Variants in CACNA2D1 observed in about 807,000 individuals in gnomAD.
CACNA2D1 encodes voltage-dependent calcium channel subunit alpha-2/delta-1.
A neutral mutation model predicts 171.5 loss-of-function variants in CACNA2D1; 53 were observed. The observed-to-expected ratio is 0.31, with a 90% CI of 0.25 to 0.39. The LOEUF (loss-of-function observed/expected upper bound fraction) is 0.39, where lower values mean the gene tolerates loss of function less well. CACNA2D1 is among the 10% of genes least tolerant of loss of function. The pLI, the probability that CACNA2D1 is intolerant of heterozygous loss-of-function variation, is 1.00. For synonymous variants in CACNA2D1, 442 were observed against 443.1 expected, an observed-to-expected ratio of 1.00 and a Z score of 0.03; for missense variants, 903 against 1,299.8, an observed-to-expected ratio of 0.69 and a Z score of 4.69.
chr7:82,308,895 G>C (rs916413782), intron 3 of CACNA2D1, among the ~76,000 whole-genome samples: 8 of 152,164 alleles, frequency 5.3e-5, no homozygotes, highest in African/African-American at 1.4e-4. Flanking sequence ...AGGTTGCCTA[G>C]CTAACAGTTG....
intron 4 of CACNA2D1, among the ~76,000 whole-genome samples, chr7:82,138,847 A>G (rs1167092127): frequency 2.0e-5 from 3 of 152,170 alleles, no homozygotes; most frequent in Non-Finnish European, 2.9e-5. Context: ...TAGTTTATTG[A>G]TCCTGCTTGT....
chr7:82,163,929 G>A (rs1300420475), intron 4 of CACNA2D1, among the ~76,000 whole-genome samples: 1 of 151,946 alleles, frequency 6.6e-6, no homozygotes, highest in Admixed American at 6.6e-5. Context: ...GCATCTTGCA[G>A]TAATAATTAT....
At chr7:82,342,878 G>A (rs1818835297) in intron 2 of CACNA2D1, among the ~76,000 whole-genome samples, 1 of 152,022 alleles carries the variant, frequency 6.6e-6, no homozygotes, top group African/African-American at 2.4e-5. Context: ...TAAAAGGATG[G>A]TTTATATCTT....
intron 3 of CACNA2D1, among the ~76,000 whole-genome samples, chr7:82,194,432 T>G (rs537814002): frequency 1.3e-5 from 2 of 152,146 alleles, no homozygotes; most frequent in African/African-American, 4.8e-5. Flanking sequence ...CTTAATGATT[T>G]GTGTGTATGC....
chr7:82,191,432 C>A (rs1364905281), intron 3 of CACNA2D1, among the ~76,000 whole-genome samples: 2 of 151,758 alleles, frequency 1.3e-5, no homozygotes, highest in East Asian at 3.9e-4. Context: ...ATTTATCGAG[C>A]TGCTTTTCAG....
intron 4 of CACNA2D1, among the ~76,000 whole-genome samples, chr7:82,145,289 A>G (rs996424653): frequency 2.1e-5 from 3 of 145,020 alleles, no homozygotes; most frequent in Non-Finnish European, 4.6e-5. Context: ...AATAAAAAAT[A>G]AAAATATATA....
chr7:82,084,451 C>A (rs1303557803), intron 7 of CACNA2D1, among the ~76,000 whole-genome samples: 1 of 152,134 alleles, frequency 6.6e-6, no homozygotes. Context: ...GCATGCTGAG[C>A]AGTTGGGCCT....
chr7:82,012,114 T>C (rs1371264891), intron 15 of CACNA2D1, 40 bp downstream of exon 15: 3 of 1,147,986 alleles, frequency 2.6e-6, no homozygotes, highest in East Asian at 2.3e-5. Flanking sequence ...CTGTGTGCTT[T>C]TGTTATGACA....
chr7:82,399,875 C>T (rs368067935), intron 1 of CACNA2D1, among the ~76,000 whole-genome samples: 16 of 152,014 alleles, frequency 1.1e-4, no homozygotes, highest in African/African-American at 1.9e-4. Context: ...ACATTTAAGT[C>T]GCTAATTCAA....
chr7:82,374,901 T>G (rs1429686630), intron 1 of CACNA2D1, among the ~76,000 whole-genome samples: 1 of 152,032 alleles, frequency 6.6e-6, no homozygotes, highest in Non-Finnish European at 1.5e-5. Flanking sequence ...TTAAAACCTA[T>G]CTCAATAAAA....
rs77234376 is a variant in CACNA2D1, at chr7:82,305,115, G to T, written c.294+30020C>A. 6.0e-3 allele frequency among the ~76,000 whole-genome samples: 911 copies of T among 152,174 alleles called. 12 individuals are homozygous for T. Among genetic ancestry groups the T allele is most frequent in the African/African-American group, 0.021 (874 of 41,520 alleles). ...GCAATCTTGGGTAATTTATTTATCT[G>T]AATTTCAGATAACTTCTCTCTAAAA... On this transcript the variant is annotated intron_variant, in intron 3 of 38. Coordinates refer to ENST00000356860, the MANE Select transcript of CACNA2D1 (RefSeq NM_000722.4).
intron 3 of CACNA2D1, among the ~76,000 whole-genome samples, chr7:82,252,688 G>A (rs1046973878): frequency 6.6e-6 from 1 of 152,084 alleles, no homozygotes; most frequent in Non-Finnish European, 1.5e-5. Flanking sequence ...TCAAGAGATC[G>A]AGACCATCTG....
chr7:81,959,165 T>TA (rs1793795691), intron 38 of CACNA2D1, 110 bp downstream of exon 38: 1 of 778,382 alleles, frequency 1.3e-6, no homozygotes, highest in Non-Finnish European at 2.3e-6. Flanking sequence ...TGAGAAAAAC[T>TA]ATGGTTAAGA....
intron 4 of CACNA2D1, among the ~76,000 whole-genome samples, chr7:82,165,210 T>G (rs1178212743): frequency 2.0e-5 from 3 of 151,994 alleles, no homozygotes; most frequent in Non-Finnish European, 4.4e-5. Context: ...TCTTTTAACT[T>G]TTCCCTCCTT....
chr7:82,258,511 A>G (rs1353227444), intron 3 of CACNA2D1, among the ~76,000 whole-genome samples: 3 of 152,218 alleles, frequency 2.0e-5, no homozygotes, highest in African/African-American at 4.8e-5. Context: ...GTCAGACGGT[A>G]TATAGAACTA....
At chr7:82,208,277 G>C (rs1800212429) in intron 3 of CACNA2D1, among the ~76,000 whole-genome samples, 1 of 152,028 alleles carries the variant, frequency 6.6e-6, no homozygotes. Flanking sequence ...ATTAACGATA[G>C]TACTTAGGTT....
At chr7:82,128,321 T>G (rs1790576339) in intron 5 of CACNA2D1, among the ~76,000 whole-genome samples, 1 of 152,200 alleles carries the variant, frequency 6.6e-6, no homozygotes, top group African/African-American at 2.4e-5. Flanking sequence ...AGACATTAAT[T>G]CTATACTTAA....
chr7:82,238,603 C>T (rs191268377), intron 3 of CACNA2D1, among the ~76,000 whole-genome samples: 59 of 151,988 alleles, frequency 3.9e-4, no homozygotes, highest in Non-Finnish European at 5.5e-4. Context: ...AAAAAAGAAA[C>T]GCTTATGCAC....
intron 1 of CACNA2D1, among the ~76,000 whole-genome samples, chr7:82,383,753 T>G (rs1823981857): frequency 6.6e-6 from 1 of 152,206 alleles, no homozygotes; most frequent in African/African-American, 2.4e-5. Context: ...ATTCTCCTAT[T>G]ATGAGTTAAG....
Sources: gnomAD v4.1 joint callset for allele counts (sites outside exome capture counted in the v4.1 genomes callset) on GRCh38, gnomAD v4.1.1 for gene constraint, MANE v1.5 for transcripts, NCBI Gene and HGNC (gene_info 2026-07-23, HGNC 2026-07-21) for gene names.